Variants in NRG2 observed in about 807,000 individuals in gnomAD.
NRG2 encodes pro-neuregulin-2, membrane-bound isoform.
In NRG2, 27 loss-of-function variants were observed where a neutral mutation model predicts 73.9. That is an observed-to-expected ratio of 0.37 (90% confidence interval 0.27 to 0.50). The LOEUF is 0.50. NRG2 is among the 20% of genes least tolerant of loss of function. The pLI is 0.96. For missense variants in NRG2, 1,126 were observed against 1,210.1 expected (o/e 0.93, Z 1.03); for synonymous variants, 532 against 541.0 (o/e 0.98, Z 0.23).
In NRG2 at chr5:140,035,910, C is replaced by T. The variant is rs529375019; in HGVS notation, c.700+6460G>A. The stretch of plus-strand genomic sequence containing the variant: ...AAAAAAAAAAGTAATCTGATCATCA[C>T]ATCTTGGAGGTCTGCGTTGCTTGCA... On this transcript the variant is annotated intron_variant, in intron 1 of 9. Coordinates refer to ENST00000361474, the MANE Select transcript of NRG2 (RefSeq NM_004883.3). 1.9e-3 allele frequency among the ~76,000 whole-genome samples: 293 copies of T among 152,228 alleles called. 2 individuals are homozygous for T. The highest frequency in any genetic ancestry group is 6.7e-3 in the African/African-American group (280 of 41,532).
intron 1 of NRG2, among the ~76,000 whole-genome samples, chr5:139,941,367 T>C (rs1382659029): frequency 1.3e-5 from 2 of 151,964 alleles, no homozygotes; most frequent in East Asian, 1.9e-4. Flanking sequence ...ATGAGAATAA[T>C]AGAATTTTTG....
intron 3 of NRG2, among the ~76,000 whole-genome samples, chr5:139,875,406 C>G (rs1763111454): frequency 6.6e-6 from 1 of 152,190 alleles, no homozygotes; most frequent in Admixed American, 6.5e-5. Context: ...ACCCCAATGT[C>G]CAGCATGGTG....
intron 1 of NRG2, among the ~76,000 whole-genome samples, chr5:139,900,112 C>A (rs1251902597): frequency 6.6e-6 from 1 of 152,134 alleles, no homozygotes; most frequent in Non-Finnish European, 1.5e-5. Context: ...TTCCTATTCA[C>A]CATCCAGGCT....
intron 1 of NRG2, among the ~76,000 whole-genome samples, chr5:140,031,546 G>T (rs148824150): frequency 1.3e-5 from 2 of 152,190 alleles, no homozygotes; most frequent in Non-Finnish European, 2.9e-5. Context: ...TAGAAAAGTT[G>T]CCCTGGATGC....
At chr5:139,888,439 T>G (rs1007555366) in intron 1 of NRG2, among the ~76,000 whole-genome samples, 3 of 152,156 alleles carry the variant, frequency 2.0e-5, no homozygotes, top group Non-Finnish European at 2.9e-5. Context: ...TGGTGTCTGA[T>G]TTTGTGGTCT....
At chr5:139,993,221 A>C (rs1393934862) in intron 1 of NRG2, among the ~76,000 whole-genome samples, 1 of 152,094 alleles carries the variant, frequency 6.6e-6, no homozygotes, top group Non-Finnish European at 1.5e-5. Context: ...ATTTCCCTCT[A>C]ATGGCTTCTC....
intron 1 of NRG2, among the ~76,000 whole-genome samples, chr5:139,921,450 A>C (rs1185593383): frequency 6.6e-6 from 1 of 152,226 alleles, no homozygotes; most frequent in Non-Finnish European, 1.5e-5. Flanking sequence ...ACATAAATAT[A>C]GTCAACTGAT....
chr5:139,995,585 C>G (rs1331255393), intron 1 of NRG2, among the ~76,000 whole-genome samples: 1 of 152,136 alleles, frequency 6.6e-6, no homozygotes, highest in African/African-American at 2.4e-5. Context: ...CCTCCTGTCT[C>G]AAGCAAGCCA....
intron 1 of NRG2, among the ~76,000 whole-genome samples, chr5:139,959,674 C>CT (rs375590738): frequency 0.06 from 8,962 of 149,158 alleles, 595 homozygotes; most frequent in African/African-American, 0.16. Context: ...CCGCGCCTGG[C>CT]TTTTTTTTTT....
At chr5:139,867,443 A>G (rs1440712011) in intron 4 of NRG2, among the ~76,000 whole-genome samples, 1 of 152,110 alleles carries the variant, frequency 6.6e-6, no homozygotes. Context: ...GGAGACTGCC[A>G]TCAGCCCCCT....
At chr5:139,919,623 T>G (rs990319581) in intron 1 of NRG2, among the ~76,000 whole-genome samples, 2 of 152,182 alleles carry the variant, frequency 1.3e-5, no homozygotes, top group Non-Finnish European at 1.5e-5. Flanking sequence ...AGACAGTCTC[T>G]GTCTTGAGGA....
At chr5:140,006,674 G>C (rs549479320) in intron 1 of NRG2, among the ~76,000 whole-genome samples, 1 of 152,310 alleles carries the variant, frequency 6.6e-6, no homozygotes, top group South Asian at 2.1e-4. Context: ...TGGTGTGTGA[G>C]TATGGTGGAA....
intron 5 of NRG2, 38 bp from the exon 6 acceptor site, chr5:139,855,816 G>T (rs1436894287): frequency 6.5e-7 from 1 of 1,527,008 alleles, no homozygotes; most frequent in South Asian, 1.1e-5. Context: ...TGGGGCAGGA[G>T]GCAAACCCCA....
intron 1 of NRG2, among the ~76,000 whole-genome samples, chr5:139,948,266 G>A (rs759515678): frequency 4.6e-5 from 7 of 152,126 alleles, no homozygotes; most frequent in African/African-American, 7.2e-5. Flanking sequence ...AATACTCTTC[G>A]TAGTCAGAAC....
At chr5:140,037,733 A>G (rs1237879130) in intron 1 of NRG2, among the ~76,000 whole-genome samples, 1 of 151,410 alleles carries the variant, frequency 6.6e-6, no homozygotes, top group East Asian at 1.9e-4. Context: ...GATGGTGAAA[A>G]CCCGTCTCTA....
At position 140,013,378 on chromosome 5, in the gene NRG2, C is replaced by T. The variant is rs1166736092; in HGVS notation, c.700+28992G>A. The stretch of plus-strand genomic sequence containing the variant: ...TCATTCCTACCAGCATATAAGCATG[C>T]GTTACTTCTATATTAAAAAATAATA... On this transcript the variant is annotated intron_variant, in intron 1 of 9. Coordinates refer to ENST00000361474, the MANE Select transcript of NRG2 (RefSeq NM_004883.3). Among the ~76,000 whole-genome samples the T allele has an allele frequency of 4.6e-5, 7 of 152,088 alleles. No individual in the cohort carries two copies. In the South Asian group the frequency reaches 6.2e-4, roughly 14 times the overall value.
chr5:139,858,821 C>T (rs927904860), intron 5 of NRG2, among the ~76,000 whole-genome samples: 4 of 152,196 alleles, frequency 2.6e-5, no homozygotes, highest in Admixed American at 2.0e-4. Context: ...AGACCCCACA[C>T]GGACTCAATG....
rs1294472188 is a variant in NRG2, at chr5:139,855,666, T to C, written c.1292+10A>G. On this transcript the variant is annotated intron_variant, in intron 6 of 9. Coordinates refer to ENST00000361474, the MANE Select transcript of NRG2 (RefSeq NM_004883.3). The stretch of plus-strand genomic sequence containing the variant: ...TTGGCCTGTCCCCAGCTTGAGTGAC[T>C]GACACTCACTTGGTCTTGCAGTAGG... 1 of 1,610,158 alleles carries C rather than the reference T, an allele frequency of 6.2e-7. No homozygotes were observed. The highest frequency in any genetic ancestry group is 8.5e-7 in the Non-Finnish European group (1 of 1,176,508).
At chr5:140,032,460 G>A (rs536554506) in intron 1 of NRG2, among the ~76,000 whole-genome samples, 23 of 152,158 alleles carry the variant, frequency 1.5e-4, no homozygotes, top group African/African-American at 3.4e-4. Flanking sequence ...GCAAAATTCC[G>A]CCCTCATCAA....
Sources: gnomAD v4.1 joint callset for allele counts (sites outside exome capture counted in the v4.1 genomes callset) on GRCh38, gnomAD v4.1.1 for gene constraint, MANE v1.5 for transcripts, NCBI Gene and HGNC (gene_info 2026-07-23, HGNC 2026-07-21) for gene names.